TRAPPC9: variants seen among roughly 807,000 people sequenced by gnomAD.
TRAPPC9 encodes the protein IKK2 binding protein.
TRAPPC9 carries 83 observed loss-of-function variants against 124.0 expected under a neutral mutation model. The ratio of observed to expected loss-of-function variants is 0.67; its 90% CI spans 0.56 to 0.80. The LOEUF (loss-of-function observed/expected upper bound fraction) is 0.80. TRAPPC9 is among the 30% of genes least tolerant of loss of function. TRAPPC9 has a pLI of 0.00. For missense variants in TRAPPC9, 1,302 were observed against 1,508.3 expected (o/e 0.86, Z 2.27); for synonymous variants, 638 against 617.5 (o/e 1.03, Z -0.49).
At chr8:140,388,639 C>G (rs2068828291) in intron 7 of TRAPPC9, among the ~76,000 whole-genome samples, 1 of 151,750 alleles carries the variant, frequency 6.6e-6, no homozygotes, top group African/African-American at 2.4e-5. Context: ...GCTGAGATCA[C>G]ACCATTGCAC....
chr8:140,168,494 C>T (rs372588265), intron 17 of TRAPPC9, among the ~76,000 whole-genome samples: 7 of 152,304 alleles, frequency 4.6e-5, no homozygotes, highest in East Asian at 3.9e-4. Context: ...TTCCTATAAA[C>T]GGAATCATAC....
chr8:140,188,727 C>A (rs984638118), intron 17 of TRAPPC9, among the ~76,000 whole-genome samples: 3 of 152,208 alleles, frequency 2.0e-5, no homozygotes, highest in African/African-American at 7.2e-5. Flanking sequence ...TGACTGCCCC[C>A]TTCAACACCG....
At chr8:139,809,837 T>A (rs903178998) in intron 21 of TRAPPC9, among the ~76,000 whole-genome samples, 1 of 152,122 alleles carries the variant, frequency 6.6e-6, no homozygotes, top group Admixed American at 6.5e-5. Context: ...ATACCCCACA[T>A]GCCAGCCCCT....
intron 17 of TRAPPC9, among the ~76,000 whole-genome samples, chr8:140,133,248 A>C (rs1305630890): frequency 6.6e-6 from 1 of 152,260 alleles, no homozygotes; most frequent in Non-Finnish European, 1.5e-5. Context: ...ACGTAAGGAT[A>C]GTTCAACATT....
chr8:139,770,057 C>T (rs1227948427), intron 21 of TRAPPC9, among the ~76,000 whole-genome samples: 2 of 152,224 alleles, frequency 1.3e-5, no homozygotes, highest in Non-Finnish European at 2.9e-5. Context: ...ACTGCGCTGG[C>T]CTGGAAGACC....
At chr8:139,970,109 C>T (rs1835966690) in intron 19 of TRAPPC9, among the ~76,000 whole-genome samples, 3 of 152,236 alleles carry the variant, frequency 2.0e-5, no homozygotes, top group African/African-American at 7.2e-5. Flanking sequence ...ACCTCCTCCT[C>T]CTGCTCTTTC....
chr8:139,925,825 ACG>A lies in TRAPPC9; in HGVS notation c.2811-15527_2811-15526del, dbSNP rs765917875. Among the ~76,000 whole-genome samples, 60 of 39,402 alleles carry A rather than the reference ACG, an allele frequency of 1.5e-3. 1 individual carries two copies. Among genetic ancestry groups the A allele is most frequent in the African/African-American group, 6.5e-3 (55 of 8,436 alleles). 25.8% of individuals were successfully genotyped at this position (39,402 alleles called of 152,430 possible). ...CCAGCACACGCACACGCACACGCACACGCACACACACACACACACACGTTTCA... is the reference window on the plus strand; with the variant it reads ...CCAGCACACGCACACGCACACGCACACACACACACACACACACACGTTTCA... On this transcript the variant is annotated intron_variant, in intron 19 of 22. Transcript: ENST00000438773.
chr8:140,338,727 C>T (rs1274100297), intron 9 of TRAPPC9, among the ~76,000 whole-genome samples: 1 of 150,336 alleles, frequency 6.7e-6, no homozygotes, highest in Non-Finnish European at 1.5e-5. Flanking sequence ...CGGGAAACGG[C>T]TCAGAGAAAA....
chr8:140,141,516 T>C (rs1040747804), intron 17 of TRAPPC9, among the ~76,000 whole-genome samples: 5 of 152,176 alleles, frequency 3.3e-5, no homozygotes, highest in Admixed American at 2.0e-4. Context: ...GGGACGACTG[T>C]ATGTCTCTGT....
intron 18 of TRAPPC9, among the ~76,000 whole-genome samples, chr8:140,014,298 G>A (rs1394151102): frequency 1.3e-5 from 2 of 152,132 alleles, no homozygotes; most frequent in Non-Finnish European, 2.9e-5. Flanking sequence ...GACAGGGATG[G>A]TCCAGCCTAA....
chr8:140,080,908 AG>A (rs911865603), intron 17 of TRAPPC9, among the ~76,000 whole-genome samples: 2 of 152,182 alleles, frequency 1.3e-5, no homozygotes, highest in African/African-American at 4.8e-5. Context: ...CAGAGCACAA[AG>A]GGTTTCATGT....
At chr8:140,352,660 C>A (rs1326644284) in intron 9 of TRAPPC9, among the ~76,000 whole-genome samples, 2 of 152,188 alleles carry the variant, frequency 1.3e-5, no homozygotes, top group Non-Finnish European at 1.5e-5. Flanking sequence ...CCATCCTTTC[C>A]TTTCCCTTGC....
At chr8:139,901,360 C>G (rs1201738138) in intron 20 of TRAPPC9, among the ~76,000 whole-genome samples, 2 of 152,206 alleles carry the variant, frequency 1.3e-5, no homozygotes, top group Non-Finnish European at 2.9e-5. Context: ...GATTAATGAG[C>G]CTCTTTGCCA....
At chr8:140,235,964 GA>G (rs1491472430) in intron 16 of TRAPPC9, among the ~76,000 whole-genome samples, 1 of 150,374 alleles carries the variant, frequency 6.7e-6, no homozygotes, top group Non-Finnish European at 1.5e-5. Flanking sequence ...GAGGAAGAAG[GA>G]AAAAAACAAG....
intron 19 of TRAPPC9, among the ~76,000 whole-genome samples, chr8:139,956,681 T>A (rs938622323): frequency 1.3e-5 from 2 of 152,216 alleles, no homozygotes; most frequent in African/African-American, 4.8e-5. Context: ...CAGCAGAGCC[T>A]GGCGCCTGTG....
At chr8:140,428,764 A>C (rs2070519638) in intron 4 of TRAPPC9, among the ~76,000 whole-genome samples, 1 of 152,206 alleles carries the variant, frequency 6.6e-6, no homozygotes, top group Non-Finnish European at 1.5e-5. Flanking sequence ...TTCATCTAGA[A>C]AACTCCACTT....
At chr8:139,830,877 C>T (rs1255491052) in intron 21 of TRAPPC9, among the ~76,000 whole-genome samples, 2 of 152,242 alleles carry the variant, frequency 1.3e-5, no homozygotes, top group Non-Finnish European at 2.9e-5. Flanking sequence ...CCGCCCAGGA[C>T]ACCTGCTCTC....
intron 11 of TRAPPC9, among the ~76,000 whole-genome samples, chr8:140,300,025 A>AT (rs1202681771): frequency 6.6e-6 from 1 of 152,222 alleles, no homozygotes; most frequent in African/African-American, 2.4e-5. Context: ...TGTAGTTCAC[A>AT]TAAGTCTCAG....
chr8:140,419,428 CAAAAAA>C (rs61155157), intron 5 of TRAPPC9, among the ~76,000 whole-genome samples: 1,322 of 79,530 alleles, frequency 0.017, 21 homozygotes, highest in African/African-American at 0.036. Context: ...GACTCCGTCT[CAAAAAA>C]AAAAAAAAAA....
Sources: gnomAD v4.1 joint callset for allele counts (sites outside exome capture counted in the v4.1 genomes callset) on GRCh38, gnomAD v4.1.1 for gene constraint, MANE v1.5 for transcripts, NCBI Gene and HGNC (gene_info 2026-07-23, HGNC 2026-07-21) for gene names.